The following LIMCH1 variants were observed in gnomAD, a reference collection of about 807,000 sequenced individuals.
LIMCH1 encodes the protein LIM and calponin homology domains-containing protein 1.
A neutral mutation model predicts 176.5 loss-of-function variants in LIMCH1; 113 were observed. The observed-to-expected ratio is 0.64, with a 90% CI of 0.55 to 0.75. LIMCH1 has a LOEUF of 0.75. Among genes scored for constraint, LIMCH1 ranks in the 30% least tolerant of loss-of-function variants. The pLI is 0.00. For synonymous variants in LIMCH1, 619 were observed against 645.9 expected (o/e 0.96, Z 0.63); for missense variants, 1,674 against 1,814.9 (o/e 0.92, Z 1.41).
Position 41,515,729 on chromosome 4 carries a change from G to A in LIMCH1, c.168-8680G>A, listed in dbSNP as rs554518092. On this transcript the variant is annotated intron_variant, in intron 2 of 26. Transcript: ENST00000313860. ...GTTACAGGGCTATGATTTGAACCCA[G>A]GTCTTTCTGTCTCTGGAGCTTCCTG... Among the ~76,000 whole-genome samples the A allele has an allele frequency of 2.6e-5, 4 of 152,270 alleles. No individual in the cohort carries two copies. In the South Asian group the frequency reaches 6.2e-4, roughly 24 times the overall value.
chr4:41,360,901 G>A lies in LIMCH1; in HGVS notation c.61G>A (p.Glu21Lys). 1 of 1,588,582 alleles carries A rather than the reference G, an allele frequency of 6.3e-7. No homozygotes were observed. Among genetic ancestry groups the A allele is most frequent in the Non-Finnish European group, 8.5e-7 (1 of 1,170,756 alleles). ...GCCCCTGCAGCCCGAGCCGCCCCCC[G>A]AGCCCGCCTTCTCCGAGGCGCAGAA... The change falls in exon 1 of 27, where the codon GAG becomes AAG. Residue 21 changes from glutamate to lysine, a missense_variant. Physicochemically the swap from Glu to Lys is moderately conservative, Grantham distance 56. Transcript: ENST00000313860. This position sits in a 1 kb window ranked among gnomAD's most constrained non-coding sequence, Gnocchi z 4.5.
At chr4:41,658,004 G>A (rs1012323404) in intron 18 of LIMCH1, among the ~76,000 whole-genome samples, 4 of 152,202 alleles carry the variant, frequency 2.6e-5, no homozygotes, top group African/African-American at 7.2e-5. Flanking sequence ...TGCCTCTCAT[G>A]TATCAAAACC....
chr4:41,593,926 G>A (rs1370512544), intron 1 of LIMCH1, among the ~76,000 whole-genome samples: 4 of 152,006 alleles, frequency 2.6e-5, no homozygotes, highest in Non-Finnish European at 2.9e-5. Flanking sequence ...AGACATACTC[G>A]CAACCTCTCT....
chr4:41,694,779 C>T (rs923116226), intron 31 of LIMCH1, among the ~76,000 whole-genome samples: 8 of 152,076 alleles, frequency 5.3e-5, no homozygotes, highest in African/African-American at 1.2e-4. Flanking sequence ...GCACAGGTGA[C>T]GTAAAAGGCA....
At chr4:41,688,026 C>A (rs1398305073) in intron 29 of LIMCH1, 109 bp downstream of exon 29, 4 of 809,646 alleles carry the variant, frequency 4.9e-6, no homozygotes, top group African/African-American at 3.4e-5. Flanking sequence ...GGGATGTGTC[C>A]ATCCACATCT....
At position 41,483,585 on chromosome 4, in the gene LIMCH1, C is replaced by T. The variant is rs1347623842; in HGVS notation, c.97-10951C>T. Among the ~76,000 whole-genome samples the T allele has an allele frequency of 4.6e-5, 7 of 152,268 alleles. No individual in the cohort carries two copies. In the East Asian group the frequency reaches 1.2e-3, roughly 25 times the overall value. On this transcript the variant is annotated intron_variant, in intron 1 of 26. Transcript: ENST00000313860. ...AACCCATAGTGCTGGCACACAAGGC[C>T]CTTCCCCATCTCGACCATGCCTACT...
chr4:41,444,988 A>G (rs1485520812), intron 1 of LIMCH1, among the ~76,000 whole-genome samples: 1 of 151,458 alleles, frequency 6.6e-6, no homozygotes, highest in Non-Finnish European at 1.5e-5. Context: ...TTGTAGGCAC[A>G]TGAAGAGAAT....
chr4:41,627,944 T>G (rs1489902975), intron 8 of LIMCH1, among the ~76,000 whole-genome samples: 1 of 152,156 alleles, frequency 6.6e-6, no homozygotes, highest in African/African-American at 2.4e-5. Flanking sequence ...TTAGGCAGAG[T>G]TGTTGAGCTC....
intron 1 of LIMCH1, among the ~76,000 whole-genome samples, chr4:41,371,901 C>T (rs1339147822): frequency 1.3e-5 from 2 of 152,074 alleles, no homozygotes; most frequent in African/African-American, 4.8e-5. Context: ...ATTACATATG[C>T]GATTGGGAAA....
intron 25 of LIMCH1, 63 bp from the exon 26 acceptor site, chr4:41,682,270 A>G: frequency 8.1e-7 from 1 of 1,233,220 alleles, no homozygotes; most frequent in South Asian, 1.7e-5. Context: ...CCCTGGCCAG[A>G]GATAAGGGTT....
chr4:41,581,020 T>C (rs1223692325), intron 1 of LIMCH1, among the ~76,000 whole-genome samples: 2 of 152,152 alleles, frequency 1.3e-5, no homozygotes, highest in African/African-American at 4.8e-5. Flanking sequence ...TAAAGAGTTA[T>C]CATTCAAAAG....
chr4:41,410,121 C>A (rs1581706559), intron 1 of LIMCH1, among the ~76,000 whole-genome samples: 1 of 152,176 alleles, frequency 6.6e-6, no homozygotes, highest in South Asian at 2.1e-4. Context: ...AAATCAGATT[C>A]TGAATGAAAG....
chr4:41,650,821 G>T (rs1163199177), intron 18 of LIMCH1, among the ~76,000 whole-genome samples: 1 of 152,034 alleles, frequency 6.6e-6, no homozygotes, highest in African/African-American at 2.4e-5. Context: ...CAAGGTGTTG[G>T]CAGGGTTGGC....
At chr4:41,392,638 A>G (rs993140918) in intron 1 of LIMCH1, among the ~76,000 whole-genome samples, 1 of 152,212 alleles carries the variant, frequency 6.6e-6, no homozygotes, top group African/African-American at 2.4e-5. Context: ...TATGAGAGGC[A>G]TGTGGGAACT....
chr4:41,667,373 G>T (rs2094863266), intron 21 of LIMCH1, among the ~76,000 whole-genome samples: 1 of 151,902 alleles, frequency 6.6e-6, no homozygotes, highest in Non-Finnish European at 1.5e-5. Flanking sequence ...TTATGTGTGT[G>T]TATTACATAA....
In LIMCH1 at chr4:41,379,699, C is replaced by G. The variant is rs569453940; in HGVS notation, c.96+18763C>G. ...AATATTAGATATTCTGATACTAAGT[C>G]ATTTGTCTAGTCCAGTCTATTTAGA... On this transcript the variant is annotated intron_variant, in intron 1 of 26. Transcript: ENST00000313860. Among the ~76,000 whole-genome samples the G allele has an allele frequency of 5.3e-5, 8 of 152,306 alleles. No individual in the cohort carries two copies. The South Asian group carries it at 1.7e-3, about 32-fold the overall frequency.
intron 1 of LIMCH1, chr4:41,389,443 TG>T: frequency 4.9e-6 from 1 of 202,548 alleles, no homozygotes; most frequent in Non-Finnish European, 1.1e-5. Context: ...CTGACAAATG[TG>T]GCACTGATCT....
intron 1 of LIMCH1, among the ~76,000 whole-genome samples, chr4:41,545,709 C>T (rs967656625): frequency 1.3e-5 from 2 of 152,156 alleles, no homozygotes; most frequent in African/African-American, 4.8e-5. Context: ...GAGTGATCAT[C>T]TCTTATGGTT....
At chr4:41,366,795 C>T (rs539178946) in intron 1 of LIMCH1, among the ~76,000 whole-genome samples, 1 of 152,292 alleles carries the variant, frequency 6.6e-6, no homozygotes, top group East Asian at 1.9e-4. Flanking sequence ...TTGAAAACAA[C>T]ACTTCCAAAG....
Sources: allele counts gnomAD v4.1 joint callset (sites outside exome capture counted in the v4.1 genomes callset), GRCh38; gene constraint gnomAD v4.1.1; non-coding constraint Gnocchi (gnomAD v3.1); transcripts MANE v1.5; gene names NCBI Gene and HGNC (gene_info 2026-07-23, HGNC 2026-07-21).